DACH2: variants seen among roughly 807,000 people sequenced by gnomAD.
DACH2 encodes the protein dachshund homolog 2.
In DACH2, 17 loss-of-function variants were observed where a neutral mutation model predicts 35.8. The ratio of observed to expected loss-of-function variants is 0.48; its 90% CI spans 0.33 to 0.71. DACH2 has a LOEUF of 0.71. Ranked by LOEUF, DACH2 falls within the 30% of genes least tolerant of loss-of-function variation. DACH2 has a pLI of 0.02. For missense variants in DACH2, 469 were observed against 472.7 expected (o/e 0.99, Z 0.07); for synonymous variants, 195 against 177.3 (o/e 1.10, Z -0.79).
At chrX:86,667,495 GAAAGAGAAAGAAAGAAAGAAAGAA>G (rs1569463547) in intron 4 of DACH2, among the ~76,000 whole-genome samples, 5 of 64,151 alleles carry the variant, frequency 7.8e-5, no homozygotes, top group African/African-American at 3.5e-4. Flanking sequence ...AGGAAAGAAA[GAAAGAGAAAGAAAGAAAGAAAGAA>G]AGAAAGAAAG....
rs1166905940 is a variant in DACH2, at chrX:86,414,013, A to T, written c.527+37151A>T. ...TTTCCCAATGCACAGTTATCCTGGT[A>T]AAAGGTCGGAGGTCTCCTTAGAGAA... is the stretch of plus-strand genomic sequence containing the variant. On this transcript the variant is annotated intron_variant, in intron 2 of 11. Coordinates refer to ENST00000373125, the MANE Select transcript of DACH2 (RefSeq NM_053281.3). Among the ~76,000 whole-genome samples the T allele has an allele frequency of 2.7e-5, 3 of 111,517 alleles. No individual in the cohort carries two copies. In the East Asian group the frequency reaches 8.5e-4, roughly 32 times the overall value.
chrX:86,183,250 G>T (rs1316191448), intron 1 of DACH2, among the ~76,000 whole-genome samples: 2 of 111,879 alleles, frequency 1.8e-5, no homozygotes, highest in Non-Finnish European at 3.8e-5. Context: ...TCCTTGACTT[G>T]TGCTGGTTTT....
At chrX:86,585,137 A>T (rs2039552974) in intron 3 of DACH2, among the ~76,000 whole-genome samples, 1 of 110,638 alleles carries the variant, frequency 9.0e-6, no homozygotes, top group African/African-American at 3.3e-5. Flanking sequence ...TTTTTGGTAG[A>T]ATAATTTATT....
intron 2 of DACH2, among the ~76,000 whole-genome samples, chrX:86,459,742 C>A (rs1490151463): frequency 9.0e-6 from 1 of 111,233 alleles, no homozygotes; most frequent in African/African-American, 3.3e-5. Flanking sequence ...AATGTTAGTA[C>A]GTGTGCAGAC....
At chrX:86,809,926 A>G (rs1285404379) in intron 7 of DACH2, among the ~76,000 whole-genome samples, 1 of 111,041 alleles carries the variant, frequency 9.0e-6, no homozygotes, top group Non-Finnish European at 1.9e-5. Context: ...CACATTATCA[A>G]AATGAATCAT....
chrX:86,742,621 C>T (rs1438164941), intron 7 of DACH2: 1 of 239,957 alleles, frequency 4.2e-6, no homozygotes. Context: ...GAAAACTACT[C>T]AGTTACATCT....
At chrX:86,393,414 A>C (rs1215385737) in intron 2 of DACH2, among the ~76,000 whole-genome samples, 1 of 112,414 alleles carries the variant, frequency 8.9e-6, no homozygotes, top group Non-Finnish European at 1.9e-5. Context: ...GACATAATAA[A>C]TGCATGTTAA....
chrX:86,197,200 C>A (rs1239643037), intron 1 of DACH2, among the ~76,000 whole-genome samples: 1 of 111,483 alleles, frequency 9.0e-6, no homozygotes, highest in South Asian at 3.8e-4. Context: ...CCTTTTCAGA[C>A]AAACAAATGA....
chrX:86,244,817 C>T (rs1016587476), intron 1 of DACH2, among the ~76,000 whole-genome samples: 5 of 112,109 alleles, frequency 4.5e-5, no homozygotes, highest in Non-Finnish European at 7.5e-5. Flanking sequence ...ATTAGAATTT[C>T]ACAATCTGGG....
intron 3 of DACH2, among the ~76,000 whole-genome samples, chrX:86,640,718 G>A (rs1157201501): frequency 1.8e-5 from 2 of 111,089 alleles, no homozygotes; most frequent in East Asian, 2.9e-4. Flanking sequence ...GCACGAGAGG[G>A]AACACAGCTG....
intron 2 of DACH2, among the ~76,000 whole-genome samples, chrX:86,460,457 A>G (rs1293128733): frequency 1.8e-5 from 2 of 111,046 alleles, no homozygotes; most frequent in African/African-American, 6.5e-5. Flanking sequence ...ATTACACTAC[A>G]GGTCAAATTT....
chrX:86,603,754 A>G (rs116183128), intron 3 of DACH2, among the ~76,000 whole-genome samples: 1,549 of 111,373 alleles, frequency 0.014, 31 homozygotes, highest in African/African-American at 0.048. Flanking sequence ...CTTGAGCTTA[A>G]AGTGAAATAA....
chrX:86,509,017 C>T (rs1442532153), intron 2 of DACH2, among the ~76,000 whole-genome samples: 3 of 111,291 alleles, frequency 2.7e-5, no homozygotes, highest in Admixed American at 9.6e-5. Flanking sequence ...AAACATGGGT[C>T]GTTCTACTTG....
intron 2 of DACH2, among the ~76,000 whole-genome samples, chrX:86,501,215 A>G (rs909348247): frequency 8.9e-6 from 1 of 112,382 alleles, no homozygotes; most frequent in Non-Finnish European, 1.9e-5. Flanking sequence ...TATTCTTGGA[A>G]GGAGGCCCAA....
At chrX:86,430,998 G>T (rs773075494) in intron 2 of DACH2, among the ~76,000 whole-genome samples, 2 of 111,831 alleles carry the variant, frequency 1.8e-5, no homozygotes, top group African/African-American at 3.2e-5. Flanking sequence ...ATTCTGTTGT[G>T]AGTGACTAAA....
At chrX:86,443,108 G>T (rs1347503466) in intron 2 of DACH2, among the ~76,000 whole-genome samples, 1 of 111,598 alleles carries the variant, frequency 9.0e-6, no homozygotes, top group African/African-American at 3.3e-5. Context: ...ATTTCCATAA[G>T]AAATGTCATT....
chrX:86,579,688 A>T (rs1030239222), intron 3 of DACH2, among the ~76,000 whole-genome samples: 1 of 112,171 alleles, frequency 8.9e-6, no homozygotes, highest in African/African-American at 3.2e-5. Flanking sequence ...TATTCTTTTC[A>T]GTATGGATCT....
At chrX:86,477,077 C>A (rs187858330) in intron 2 of DACH2, among the ~76,000 whole-genome samples, 3 of 109,617 alleles carry the variant, frequency 2.7e-5, no homozygotes, top group East Asian at 5.7e-4. Flanking sequence ...ATGGTCTATC[C>A]TTGATAGTGA....
chrX:86,504,145 G>A (rs1161477964), intron 2 of DACH2, among the ~76,000 whole-genome samples: 2 of 110,116 alleles, frequency 1.8e-5, no homozygotes, highest in Non-Finnish European at 3.8e-5. Flanking sequence ...AGAGAGAGGA[G>A]CTGCCAATTC....
Sources: gnomAD v4.1 joint callset for allele counts (sites outside exome capture counted in the v4.1 genomes callset) on GRCh38, gnomAD v4.1.1 for gene constraint, MANE v1.5 for transcripts, NCBI Gene and HGNC (gene_info 2026-07-23, HGNC 2026-07-21) for gene names.